Variants in GRIA4 observed in about 807,000 individuals in gnomAD.
The protein encoded by GRIA4 is glutamate receptor 4.
Under a neutral mutation model 104.0 loss-of-function variants are expected in GRIA4, and 34 were observed. The observed-to-expected ratio is 0.33, with a 90% CI of 0.25 to 0.44. The LOEUF (loss-of-function observed/expected upper bound fraction) is 0.44, where lower values mean the gene tolerates loss of function less well. Among genes scored for constraint, GRIA4 ranks in the 20% least tolerant of loss-of-function variants. The probability of loss-of-function intolerance (pLI) is 1.00; values close to 1 mark genes in which losing one functional copy is unlikely to be tolerated. For synonymous variants in GRIA4, 386 were observed against 381.9 expected (o/e 1.01, Z -0.13); for missense variants, 750 against 1,096.5 (o/e 0.68, Z 4.46).
intron 6 of GRIA4, among the ~76,000 whole-genome samples, chr11:105,891,927 G>GCTGAA (rs1254223563): frequency 6.6e-6 from 1 of 151,944 alleles, no homozygotes; most frequent in Non-Finnish European, 1.5e-5. Flanking sequence ...TTATCCTCTA[G>GCTGAA]CACCCAGCTT....
At chr11:105,625,869 G>A (rs1950873866) in intron 3 of GRIA4, among the ~76,000 whole-genome samples, 1 of 152,014 alleles carries the variant, frequency 6.6e-6, no homozygotes, top group Non-Finnish European at 1.5e-5. Flanking sequence ...TTCACAGTTA[G>A]AAATATTTCT....
chr11:105,864,523 T>C (rs1367459796), intron 5 of GRIA4, among the ~76,000 whole-genome samples: 1 of 152,236 alleles, frequency 6.6e-6, no homozygotes, highest in Admixed American at 6.5e-5. Context: ...CAGAAGATGG[T>C]GAAATTAATA....
intron 15 of GRIA4, among the ~76,000 whole-genome samples, 180 bp downstream of exon 15, chr11:105,972,208 C>T (rs995403310): frequency 1.3e-5 from 2 of 152,182 alleles, no homozygotes; most frequent in African/African-American, 2.4e-5. Context: ...CTGCAACCTG[C>T]TCCCCAATAT....
chr11:105,843,593 T>G (rs963470277), intron 4 of GRIA4, among the ~76,000 whole-genome samples: 1 of 152,212 alleles, frequency 6.6e-6, no homozygotes, highest in Non-Finnish European at 1.5e-5. Context: ...CCAATAATCT[T>G]GGATTCAACA....
intron 3 of GRIA4, among the ~76,000 whole-genome samples, chr11:105,738,933 A>C (rs1417328272): frequency 1.2e-4 from 14 of 116,586 alleles, no homozygotes; most frequent in African/African-American, 3.3e-4. Flanking sequence ...AAAAAAACAA[A>C]AAAAAAAAAA....
chr11:105,619,496 T>G (rs1048578399), intron 3 of GRIA4, among the ~76,000 whole-genome samples: 1 of 151,932 alleles, frequency 6.6e-6, no homozygotes, highest in Admixed American at 6.6e-5. Flanking sequence ...TCGTAGAAAA[T>G]TTTTTGACTT....
chr11:105,722,656 C>A (rs1305737540), intron 3 of GRIA4, among the ~76,000 whole-genome samples: 1 of 152,050 alleles, frequency 6.6e-6, no homozygotes, highest in Non-Finnish European at 1.5e-5. Flanking sequence ...ACCTTCTCTA[C>A]TTTCTAAGGT....
At chr11:105,854,653 C>T (rs1944946056) in intron 4 of GRIA4, among the ~76,000 whole-genome samples, 1 of 152,000 alleles carries the variant, frequency 6.6e-6, no homozygotes, top group South Asian at 2.1e-4. Context: ...GAAGAAATGG[C>T]CAGGTTTTTG....
rs142397447 is a variant in GRIA4, at chr11:105,739,257, G to A, written c.248-13724G>A. On this transcript the variant is annotated intron_variant, in intron 3 of 16. Coordinates refer to ENST00000282499, the MANE Select transcript of GRIA4 (RefSeq NM_000829.4). ...GTTTCCATTATGATGGCCTGACTCC[G>A]GAAAGAAATGTGCAAACAAGCCTGT... Among the ~76,000 whole-genome samples the A allele has an allele frequency of 2.9e-3, 443 of 152,220 alleles. 3 individuals are homozygous for A. Among genetic ancestry groups the A allele is most frequent in the African/African-American group, 0.01 (421 of 41,548 alleles).
intron 4 of GRIA4, among the ~76,000 whole-genome samples, chr11:105,834,037 T>C (rs936124594): frequency 7.9e-5 from 12 of 152,038 alleles, no homozygotes; most frequent in African/African-American, 2.2e-4. Context: ...AATGAAAGGA[T>C]AGTTGTTGTA....
chr11:105,789,246 C>A (rs1457744613), intron 4 of GRIA4, among the ~76,000 whole-genome samples: 2 of 151,960 alleles, frequency 1.3e-5, no homozygotes, highest in African/African-American at 4.8e-5. Context: ...AACTATAGAT[C>A]TACAAAAATA....
At chr11:105,808,902 T>C (rs1289691568) in intron 4 of GRIA4, among the ~76,000 whole-genome samples, 2 of 152,068 alleles carry the variant, frequency 1.3e-5, no homozygotes, top group Non-Finnish European at 2.9e-5. Flanking sequence ...GAAAAACAAA[T>C]AGCTTCACAC....
chr11:105,972,728 G>A (rs961953542), intron 15 of GRIA4, among the ~76,000 whole-genome samples: 3 of 151,992 alleles, frequency 2.0e-5, no homozygotes, highest in Non-Finnish European at 4.4e-5. Flanking sequence ...AAAAGTAATG[G>A]AAATAGTTAT....
At chr11:105,912,144 C>T in intron 10 of GRIA4, 6 of 1,033,368 alleles carry the variant, frequency 5.8e-6, no homozygotes, top group Non-Finnish European at 5.9e-6. Context: ...AATCACTTAG[C>T]GATTCTGACA....
intron 4 of GRIA4, among the ~76,000 whole-genome samples, chr11:105,781,463 A>G (rs536468570): frequency 1.3e-5 from 2 of 152,122 alleles, no homozygotes; most frequent in South Asian, 2.1e-4. Flanking sequence ...GGGTTTTTTA[A>G]CCATAAGTTA....
At chr11:105,684,873 T>C (rs1952825005) in intron 3 of GRIA4, among the ~76,000 whole-genome samples, 1 of 151,828 alleles carries the variant, frequency 6.6e-6, no homozygotes, top group African/African-American at 2.4e-5. Flanking sequence ...TTATCCTGCC[T>C]TACTAACTTA....
intron 3 of GRIA4, among the ~76,000 whole-genome samples, chr11:105,724,146 C>T (rs770640358): frequency 4.6e-5 from 7 of 152,020 alleles, no homozygotes; most frequent in Non-Finnish European, 8.8e-5. Context: ...TTCAATCTAG[C>T]AATCCCACTA....
chr11:105,639,390 T>A (rs1951295192), intron 3 of GRIA4, among the ~76,000 whole-genome samples: 1 of 152,064 alleles, frequency 6.6e-6, no homozygotes, highest in Non-Finnish European at 1.5e-5. Flanking sequence ...GTAAAAGGGA[T>A]CTGAGGTCTC....
chr11:105,941,800 AC>A (rs1331002639), intron 14 of GRIA4, among the ~76,000 whole-genome samples: 2 of 152,120 alleles, frequency 1.3e-5, no homozygotes, highest in African/African-American at 4.8e-5. Flanking sequence ...CTATATAAAA[AC>A]TGGCAAGAGC....
Sources: allele counts gnomAD v4.1 joint callset (sites outside exome capture counted in the v4.1 genomes callset), GRCh38; gene constraint gnomAD v4.1.1; transcripts MANE v1.5; gene names NCBI Gene and HGNC (gene_info 2026-07-23, HGNC 2026-07-21).